Variants in FBN1 observed in about 807,000 individuals in gnomAD.
FBN1 encodes fibrillin-1.
FBN1 carries 29 observed loss-of-function variants against 365.1 expected under a neutral mutation model. That is an observed-to-expected ratio of 0.08 (90% CI 0.06 to 0.11). The LOEUF is 0.11. Among genes scored for constraint, FBN1 ranks in the 10% least tolerant of loss-of-function variants. The pLI, the probability that FBN1 is intolerant of heterozygous loss-of-function variation, is 1.00. For missense variants in FBN1, 2,476 were observed against 3,703.2 expected, an observed-to-expected ratio of 0.67 and a Z score of 8.60; for synonymous variants, 1,210 against 1,270.5, an observed-to-expected ratio of 0.95 and a Z score of 1.01.
chr15:48,477,909 T>C (rs12917479), intron 32 of FBN1, among the ~76,000 whole-genome samples: 14,391 of 152,226 alleles, frequency 0.095, 848 homozygotes, highest in Non-Finnish European at 0.13. Flanking sequence ...GGCAAGGGTG[T>C]GGTGTGAGCA....
intron 45 of FBN1, among the ~76,000 whole-genome samples, chr15:48,449,472 C>T (rs1434314968): frequency 1.3e-5 from 2 of 152,168 alleles, no homozygotes; most frequent in African/African-American, 2.4e-5. Flanking sequence ...ACAACCTGAA[C>T]ACTGTCTCTT....
intron 5 of FBN1, among the ~76,000 whole-genome samples, chr15:48,596,855 C>T (rs2044520028): frequency 6.6e-6 from 1 of 152,146 alleles, no homozygotes; most frequent in African/African-American, 2.4e-5. Context: ...AATTTAAGTA[C>T]CATAATGAAA....
At chr15:48,584,308 C>G (rs551342885) in intron 6 of FBN1, among the ~76,000 whole-genome samples, 11 of 152,220 alleles carry the variant, frequency 7.2e-5, no homozygotes, top group Admixed American at 6.5e-4. Context: ...CAGCAAGTAG[C>G]AAGATTTATC....
At chr15:48,461,042 T>A (rs1453663750) in intron 42 of FBN1, among the ~76,000 whole-genome samples, 1 of 152,186 alleles carries the variant, frequency 6.6e-6, no homozygotes, top group Admixed American at 6.5e-5. Flanking sequence ...CAGATGGCCA[T>A]TGCCTTATTG....
intron 6 of FBN1, among the ~76,000 whole-genome samples, chr15:48,590,796 T>G (rs2140703350): frequency 6.6e-6 from 1 of 152,358 alleles, no homozygotes; most frequent in East Asian, 1.9e-4. Flanking sequence ...TCTACTCCAC[T>G]TTGGCCCCAA....
chr15:48,597,467 A>G (rs2044524799), intron 5 of FBN1, among the ~76,000 whole-genome samples: 2 of 152,178 alleles, frequency 1.3e-5, no homozygotes, highest in South Asian at 4.1e-4. Context: ...TTGGAGCTGC[A>G]CTACAGGCTG....
At chr15:48,423,172 A>T (rs2042955879) in intron 60 of FBN1, among the ~76,000 whole-genome samples, 1 of 152,206 alleles carries the variant, frequency 6.6e-6, no homozygotes, top group Admixed American at 6.5e-5. Flanking sequence ...TGATAATTTT[A>T]AAATTGTCGC....
rs1353634853 is a variant in FBN1 at position 48,496,244 on chromosome 15, T to G, written c.2294-19A>C. On this transcript the variant is annotated intron_variant, in intron 19 of 65. Coordinates refer to ENST00000316623, the MANE Select transcript of FBN1 (RefSeq NM_000138.5). ...TTAATATCTGCAAAGTCAATGAAAA[T>G]AAACACTTAAAAAGGGCCCAAACTT... 3 of 1,613,364 alleles carry G rather than the reference T, an allele frequency of 1.9e-6. No homozygotes were observed. The Admixed American group carries it at 5.0e-5, about 27-fold the overall frequency.
At chr15:48,468,288 G>T in intron 37 of FBN1, 124 bp downstream of exon 37, 1 of 1,389,794 alleles carries the variant, frequency 7.2e-7, no homozygotes, top group Non-Finnish European at 1.0e-6. Flanking sequence ...ATCTAAAGTA[G>T]AGTTAGGAAA....
At chr15:48,581,464 C>G (rs1227208443) in intron 6 of FBN1, among the ~76,000 whole-genome samples, 1 of 152,164 alleles carries the variant, frequency 6.6e-6, no homozygotes, top group Non-Finnish European at 1.5e-5. Flanking sequence ...ATTATCCATG[C>G]CTGTGTGTTC....
intron 2 of FBN1, among the ~76,000 whole-genome samples, chr15:48,622,927 C>A (rs879348822): frequency 6.6e-6 from 1 of 152,174 alleles, no homozygotes; most frequent in Non-Finnish European, 1.5e-5. Context: ...CCTGATGAAT[C>A]CATCCATCTT....
At chr15:48,458,512 G>A (rs2043258375) in intron 43 of FBN1, among the ~76,000 whole-genome samples, 1 of 152,082 alleles carries the variant, frequency 6.6e-6, no homozygotes, top group African/African-American at 2.4e-5. Flanking sequence ...TGTATCATAA[G>A]TAAACAAAAA....
rs763758189 is a variant in FBN1 at position 48,596,250 on chromosome 15, T to C, written c.538+33A>G. ...TTAGTAACAGCTTTAGGTACCAGCA[T>C]GTCTTTACGTAAATGATTTTAAAAA... On this transcript the variant is annotated intron_variant, in intron 6 of 65. Transcript: ENST00000316623. 5 of 1,583,924 alleles carry C rather than the reference T, an allele frequency of 3.2e-6. No individual in the cohort carries two copies. The East Asian group carries it at 8.9e-5, about 28-fold the overall frequency.
At chr15:48,576,470 G>A (rs2044348758) in intron 6 of FBN1, among the ~76,000 whole-genome samples, 1 of 152,094 alleles carries the variant, frequency 6.6e-6, no homozygotes, top group African/African-American at 2.4e-5. Flanking sequence ...TTACCCATGG[G>A]TTGATCCCAA....
intron 6 of FBN1, among the ~76,000 whole-genome samples, chr15:48,563,679 G>A (rs1211445885): frequency 2.0e-5 from 3 of 152,098 alleles, no homozygotes; most frequent in African/African-American, 7.2e-5. Context: ...TTTCCTCGTG[G>A]GTATCACTCT....
chr15:48,639,655 C>G (rs1409128821), intron 2 of FBN1, among the ~76,000 whole-genome samples: 1 of 152,140 alleles, frequency 6.6e-6, no homozygotes, highest in Non-Finnish European at 1.5e-5. Flanking sequence ...ATTTAACTAT[C>G]TAATGAGAAA....
intron 3 of FBN1, among the ~76,000 whole-genome samples, chr15:48,611,325 A>G (rs1243926848): frequency 1.3e-5 from 2 of 152,004 alleles, no homozygotes; most frequent in African/African-American, 4.8e-5. Flanking sequence ...CAGTGGCGCA[A>G]TCTCTGCTCA....
intron 10 of FBN1, 44 bp downstream of exon 10, chr15:48,520,615 G>C: frequency 6.2e-7 from 1 of 1,610,538 alleles, no homozygotes. Context: ...GGGCTTGTGA[G>C]GGCTGGGATG....
At chr15:48,512,158 C>T (rs187032335) in intron 13 of FBN1, among the ~76,000 whole-genome samples, 185 of 152,110 alleles carry the variant, frequency 1.2e-3, no homozygotes, top group East Asian at 5.2e-3. Flanking sequence ...GAAATCTCTA[C>T]GTGAGAACAA....
Sources: gnomAD v4.1 joint callset for allele counts (sites outside exome capture counted in the v4.1 genomes callset) on GRCh38, gnomAD v4.1.1 for gene constraint, MANE v1.5 for transcripts, NCBI Gene and HGNC (gene_info 2026-07-23, HGNC 2026-07-21) for gene names.